ARHGAP26: variants seen among roughly 807,000 people sequenced by gnomAD.
ARHGAP26 encodes the protein Rho GTPase activating protein 26.
ARHGAP26 carries 38 observed loss-of-function variants against 104.8 expected under a neutral mutation model. The ratio of observed to expected loss-of-function variants is 0.36; its 90% CI spans 0.28 to 0.48. The LOEUF (loss-of-function observed/expected upper bound fraction) is 0.48, where lower values mean the gene tolerates loss of function less well. Among genes scored for constraint, ARHGAP26 ranks in the 20% least tolerant of loss-of-function variants. The probability of loss-of-function intolerance (pLI) is 0.99; values close to 1 mark genes in which losing one functional copy is unlikely to be tolerated. For synonymous variants in ARHGAP26, 341 were observed against 340.0 expected, an observed-to-expected ratio of 1.00 and a Z score of -0.03; for missense variants, 704 against 947.9, an observed-to-expected ratio of 0.74 and a Z score of 3.38.
intron 17 of ARHGAP26, among the ~76,000 whole-genome samples, chr5:143,072,541 G>A (rs1350507148): frequency 6.6e-6 from 1 of 152,174 alleles, no homozygotes; most frequent in Admixed American, 6.5e-5. Flanking sequence ...TATGTGGCAT[G>A]TGTATATACA....
At chr5:142,940,680 T>C (rs1766136850) in intron 11 of ARHGAP26, among the ~76,000 whole-genome samples, 1 of 152,210 alleles carries the variant, frequency 6.6e-6, no homozygotes, top group African/African-American at 2.4e-5. Context: ...ATTTACCATA[T>C]TTTCTTTATC....
chr5:142,936,145 A>ACACACACACACACC (rs764972784), intron 11 of ARHGAP26, among the ~76,000 whole-genome samples: 6 of 149,348 alleles, frequency 4.0e-5, no homozygotes, highest in Non-Finnish European at 8.9e-5. Flanking sequence ...ACACACACAC[A>ACACACACACACACC]CCCCTTCTAT....
At chr5:143,012,576 T>TATATACA (rs1554195628) in intron 11 of ARHGAP26, among the ~76,000 whole-genome samples, 1 of 57,032 alleles carries the variant, frequency 1.8e-5, no homozygotes, top group Non-Finnish European at 5.2e-5. Context: ...TATATATATA[T>TATATACA]TATGATCAGG....
intron 1 of ARHGAP26, among the ~76,000 whole-genome samples, chr5:142,855,358 G>C (rs1164461808): frequency 6.6e-6 from 1 of 152,134 alleles, no homozygotes; most frequent in Non-Finnish European, 1.5e-5. Context: ...GAGGCTGCTG[G>C]TTGGTCTGAG....
intron 11 of ARHGAP26, among the ~76,000 whole-genome samples, chr5:142,942,251 G>A (rs562069829): frequency 2.0e-5 from 3 of 152,172 alleles, no homozygotes; most frequent in African/African-American, 4.8e-5. Flanking sequence ...TACATTTTTT[G>A]TGCCATGGAT....
intron 14 of ARHGAP26, among the ~76,000 whole-genome samples, chr5:143,048,614 G>A (rs1172452619): frequency 1.3e-5 from 2 of 150,618 alleles, no homozygotes; most frequent in African/African-American, 4.9e-5. Flanking sequence ...AACGAATTAT[G>A]CCATAGAAGA....
intron 11 of ARHGAP26, among the ~76,000 whole-genome samples, chr5:142,955,920 A>G (rs1184696339): frequency 1.3e-5 from 2 of 152,208 alleles, no homozygotes; most frequent in Non-Finnish European, 2.9e-5. Flanking sequence ...TCAGAATGCC[A>G]GAATCTTGGC....
At chr5:143,212,950 C>A (rs999040190) in intron 21 of ARHGAP26, among the ~76,000 whole-genome samples, 3 of 152,138 alleles carry the variant, frequency 2.0e-5, no homozygotes, top group Non-Finnish European at 2.9e-5. Flanking sequence ...TTGAGACCAT[C>A]CTGGCTAACA....
At chr5:142,966,662 A>T (rs757872413) in intron 11 of ARHGAP26, among the ~76,000 whole-genome samples, 3 of 152,226 alleles carry the variant, frequency 2.0e-5, no homozygotes, top group Non-Finnish European at 2.9e-5. Context: ...CCAAGTCTGT[A>T]ATTGAGAAGA....
intron 11 of ARHGAP26, among the ~76,000 whole-genome samples, chr5:143,006,934 T>G (rs914531625): frequency 6.6e-6 from 1 of 152,118 alleles, no homozygotes; most frequent in Non-Finnish European, 1.5e-5. Flanking sequence ...AGGGGTGTTA[T>G]TAAAAGTTCC....
intron 1 of ARHGAP26, among the ~76,000 whole-genome samples, chr5:142,785,271 G>A (rs1226010043): frequency 6.6e-6 from 1 of 152,210 alleles, no homozygotes; most frequent in Non-Finnish European, 1.5e-5. Flanking sequence ...TTGATCTTGT[G>A]AAGCCACATA....
At chr5:142,894,756 A>T (rs970206331) in intron 6 of ARHGAP26, among the ~76,000 whole-genome samples, 1 of 152,236 alleles carries the variant, frequency 6.6e-6, no homozygotes, top group African/African-American at 2.4e-5. Context: ...ACCCAAAGAC[A>T]TAGTACATTT....
chr5:143,098,023 T>G (rs1937665388), intron 17 of ARHGAP26, among the ~76,000 whole-genome samples: 1 of 152,196 alleles, frequency 6.6e-6, no homozygotes, highest in South Asian at 2.1e-4. Context: ...CCTTGGAATC[T>G]TCTCAGAATT....
At chr5:143,107,722 G>A (rs191972772) in intron 17 of ARHGAP26, among the ~76,000 whole-genome samples, 12 of 152,264 alleles carry the variant, frequency 7.9e-5, no homozygotes, top group East Asian at 1.9e-4. Flanking sequence ...ACTCTGAATC[G>A]TTCGGTGTCT....
chr5:143,001,695 T>C (rs1562238206), intron 11 of ARHGAP26, among the ~76,000 whole-genome samples: 1 of 152,206 alleles, frequency 6.6e-6, no homozygotes, highest in African/African-American at 2.4e-5. Flanking sequence ...CCACACAGAG[T>C]GCAGAATTCT....
At chr5:143,167,406 CG>C (rs1173846112) in intron 20 of ARHGAP26, among the ~76,000 whole-genome samples, 2 of 137,286 alleles carry the variant, frequency 1.5e-5, no homozygotes, top group African/African-American at 2.8e-5. Context: ...CACTTGAACC[CG>C]GGGGGGAAGA....
At chr5:142,864,204 C>T (rs1008600643) in intron 1 of ARHGAP26, among the ~76,000 whole-genome samples, 23 of 152,082 alleles carry the variant, frequency 1.5e-4, no homozygotes, top group Non-Finnish European at 1.5e-4. Flanking sequence ...GGCCTGTGAA[C>T]GCTGTCAGTC....
chr5:142,815,983 G>C (rs1432354380), intron 1 of ARHGAP26, among the ~76,000 whole-genome samples: 1 of 150,948 alleles, frequency 6.6e-6, no homozygotes, highest in East Asian at 1.9e-4. Flanking sequence ...AATTTTTGTA[G>C]AGATGAGGTC....
intron 18 of ARHGAP26, among the ~76,000 whole-genome samples, chr5:143,125,181 A>G (rs1334161934): frequency 6.6e-6 from 1 of 152,238 alleles, no homozygotes; most frequent in Non-Finnish European, 1.5e-5. Context: ...AATAGAAGGT[A>G]AGAGACCTCT....
Sources: gnomAD v4.1 joint callset for allele counts (sites outside exome capture counted in the v4.1 genomes callset) on GRCh38, gnomAD v4.1.1 for gene constraint, MANE v1.5 for transcripts, NCBI Gene and HGNC (gene_info 2026-07-23, HGNC 2026-07-21) for gene names.